STMN4: variants seen among roughly 807,000 people sequenced by gnomAD.
The protein encoded by STMN4 is stathmin 4.
In STMN4, 12 loss-of-function variants were observed where a neutral mutation model predicts 29.1. The ratio of observed to expected loss-of-function variants is 0.41; its 90% confidence interval spans 0.26 to 0.67. STMN4 has a LOEUF of 0.67. Ranked by LOEUF, STMN4 falls within the 30% of genes least tolerant of loss-of-function variation. STMN4 has a pLI of 0.30. For missense variants in STMN4, 181 were observed against 262.8 expected (o/e 0.69, Z 2.15); for synonymous variants, 114 against 105.3 (o/e 1.08, Z -0.51).
At chr8:27,241,292 G>A (rs749599215) in intron 4 of STMN4, 30 bp from the exon 5 acceptor site, 22 of 1,613,202 alleles carry the variant, frequency 1.4e-5, no homozygotes, top group South Asian at 6.6e-5. Flanking sequence ...GGCTGCTCAC[G>A]TCCTGAAGAA....
In STMN4 at chr8:27,249,346, C is replaced by T. The variant is rs76990430; in HGVS notation, c.-78-5545G>A. Among the ~76,000 whole-genome samples the T allele has an allele frequency of 9.4e-3, 1,428 of 152,234 alleles. 25 individuals carry two copies. The highest frequency in any genetic ancestry group is 0.027 in the African/African-American group (1,136 of 41,554). On this transcript the variant is annotated intron_variant, in intron 1 of 6. Coordinates refer to ENST00000350889, the MANE Select transcript of STMN4 (RefSeq NM_030795.4). ...TCTCGACTCAGTGCAGTCTCACTCC[C>T]GGGAACTACATGGGACTTTTCAATG...
intron 1 of STMN4, among the ~76,000 whole-genome samples, chr8:27,249,842 G>A (rs17367059): frequency 5.9e-5 from 9 of 152,232 alleles, no homozygotes; most frequent in South Asian, 4.1e-4. Flanking sequence ...CTGCCCATAC[G>A]ACAGAATGAA....
chr8:27,241,654 T>C, intron 4 of STMN4, 23 bp downstream of exon 4: 1 of 1,613,300 alleles, frequency 6.2e-7, no homozygotes. Flanking sequence ...GCCTGCGGAA[T>C]CCCTCCGCTG....
chr8:27,237,278 G>A (rs975078430), intron 6 of STMN4, among the ~76,000 whole-genome samples: 2 of 152,212 alleles, frequency 1.3e-5, no homozygotes, highest in Admixed American at 1.3e-4. Flanking sequence ...CAGAGGAGCA[G>A]GCAGAACAGA....
chr8:27,249,730 C>T (rs533175944), intron 1 of STMN4, among the ~76,000 whole-genome samples: 2 of 152,272 alleles, frequency 1.3e-5, no homozygotes, highest in Non-Finnish European at 2.9e-5. Flanking sequence ...CCAGGCTTTC[C>T]GTAATTCAGC....
chr8:27,246,047 C>A (rs151218649), intron 1 of STMN4, among the ~76,000 whole-genome samples: 1 of 152,130 alleles, frequency 6.6e-6, no homozygotes, highest in Admixed American at 6.5e-5. Context: ...CCAGGTCTCT[C>A]GACTTGTAAG....
chr8:27,254,169 T>C (rs1801872019), intron 1 of STMN4, among the ~76,000 whole-genome samples: 1 of 152,112 alleles, frequency 6.6e-6, no homozygotes, highest in Non-Finnish European at 1.5e-5. Context: ...ATAGTTGAAT[T>C]GTGTTTGTGT....
intron 1 of STMN4, among the ~76,000 whole-genome samples, chr8:27,244,040 AG>A (rs769393787): frequency 1.4e-4 from 21 of 152,150 alleles, no homozygotes; most frequent in Admixed American, 2.0e-4. Flanking sequence ...TCCAGTCTCA[AG>A]CCCCCTAGCA....
intron 6 of STMN4, chr8:27,239,714 C>T (rs945380879): frequency 2.1e-6 from 3 of 1,454,856 alleles, no homozygotes; most frequent in Middle Eastern, 1.8e-4. Context: ...ATATATGCTC[C>T]CTAAGGCAAT....
chr8:27,236,802 T>C lies in STMN4; in HGVS notation c.*44A>G. 1 of 1,548,260 alleles carries C rather than the reference T, an allele frequency of 6.5e-7. No homozygotes were observed. The highest frequency in any genetic ancestry group is 1.2e-5 in the South Asian group (1 of 80,816). ...GAGGCTGCCTGGAACGTGGAGCTGC[T>C]GGAGCTGTCCGGCTGACCTGGAAAG... On this transcript the variant is annotated 3_prime_UTR_variant, in exon 7 of 7. Transcript: ENST00000350889.
chr8:27,237,937 A>G (rs561590847), intron 6 of STMN4, among the ~76,000 whole-genome samples: 25 of 152,326 alleles, frequency 1.6e-4, no homozygotes, highest in African/African-American at 6.0e-4. Flanking sequence ...CAAGCACTCA[A>G]CCAATGTTGT....
chr8:27,244,751 G>A (rs189581592), intron 1 of STMN4, among the ~76,000 whole-genome samples: 44 of 152,300 alleles, frequency 2.9e-4, no homozygotes, highest in African/African-American at 9.9e-4. Context: ...GAAAGAGGAG[G>A]GGGCGGGGCA....
chr8:27,257,263 G>A (rs1016171365), intron 1 of STMN4, among the ~76,000 whole-genome samples: 11 of 152,072 alleles, frequency 7.2e-5, no homozygotes, highest in Non-Finnish European at 1.3e-4. Flanking sequence ...CCTGGGAGGC[G>A]GGGGCTCAGC....
At position 27,241,754 on chromosome 8, in the gene STMN4, C is replaced by G; in HGVS notation, c.113G>C (p.Trp38Ser). 6.2e-7 allele frequency: 1 copy of G among 1,614,222 alleles called. No homozygotes were observed. Among genetic ancestry groups the G allele is most frequent in the Non-Finnish European group, 8.5e-7 (1 of 1,180,032 alleles). The stretch of plus-strand genomic sequence containing the variant: ...CTTCCTCCTACACTGTCTCCCACAC[C>G]AGCCTAGACAGAAAAAACAACCTCA... Reference protein sequence around the residue: ...LNKSSYKYEGWCGRQCRRKDE... With the variant: ...LNKSSYKYEGSCGRQCRRKDE... Residue 38 changes from tryptophan (W) to serine (S), a missense_variant, in exon 4 of 7, where the codon TGG becomes TCG. Coordinates refer to ENST00000350889, the MANE Select transcript of STMN4 (RefSeq NM_030795.4).
chr8:27,242,467 G>C lies in STMN4; in HGVS notation c.39C>G (p.Leu13=). 6.2e-7 allele frequency: 1 copy of C among 1,614,172 alleles called. No individual in the cohort carries two copies. The highest frequency in any genetic ancestry group is 1.1e-5 in the South Asian group (1 of 91,080). Residue 13 remains leucine, a synonymous_variant, in exon 3 of 7, where the codon CTC becomes CTG. Transcript: ENST00000350889. ...LAAYKEKMKE[L]PLVSLFCSCF... ...AGGAGCAGAACAAGGACACCAGCGGGAGCTCCTTCATCTTCTCTTTGTAGG... is the reference window on the plus strand; with the variant it reads ...AGGAGCAGAACAAGGACACCAGCGGCAGCTCCTTCATCTTCTCTTTGTAGG...
intron 1 of STMN4, among the ~76,000 whole-genome samples, chr8:27,248,898 T>C (rs1801706213): frequency 6.6e-6 from 1 of 152,240 alleles, no homozygotes; most frequent in African/African-American, 2.4e-5. Context: ...AAGTGTGGGT[T>C]GGACCTGCTG....
intron 2 of STMN4, 89 bp from the exon 3 acceptor site, chr8:27,242,581 G>A: frequency 7.2e-7 from 1 of 1,383,390 alleles, no homozygotes; most frequent in South Asian, 1.2e-5. Context: ...GAGCAGCCCA[G>A]GGTTCCATAA....
intron 1 of STMN4, among the ~76,000 whole-genome samples, chr8:27,253,510 A>G (rs1801851275): frequency 6.6e-6 from 1 of 152,216 alleles, no homozygotes; most frequent in African/African-American, 2.4e-5. Context: ...TTATTCATTC[A>G]ACAAATATTT....
intron 1 of STMN4, among the ~76,000 whole-genome samples, chr8:27,245,417 G>A (rs1170071171): frequency 6.6e-6 from 1 of 152,250 alleles, no homozygotes; most frequent in Admixed American, 6.5e-5. Flanking sequence ...GTGCCCATTT[G>A]AACCGAGGTC....
Sources: allele counts gnomAD v4.1 joint callset (sites outside exome capture counted in the v4.1 genomes callset), GRCh38; gene constraint gnomAD v4.1.1; transcripts MANE v1.5; gene names NCBI Gene and HGNC (gene_info 2026-07-23, HGNC 2026-07-21).